The following GOLGA8O variants were observed in gnomAD, a reference collection of about 807,000 sequenced individuals.
GOLGA8O encodes golgin subfamily A member 8O.
Under a neutral mutation model 29.7 loss-of-function variants are expected in GOLGA8O, and 4 were observed. That is an observed-to-expected ratio of 0.13 (90% confidence interval 0.07 to 0.31). The LOEUF is 0.31. Ranked by LOEUF, GOLGA8O falls within the 10% of genes least tolerant of loss-of-function variation. The pLI is 1.00. For missense variants in GOLGA8O, 32 were observed against 216.5 expected (o/e 0.15, Z 5.35); for synonymous variants, 6 against 78.0 (o/e 0.08, Z 4.87).
intron 8 of GOLGA8O, among the ~76,000 whole-genome samples, chr15:32,450,511 C>T (rs201705471): frequency 1.1e-4 from 13 of 117,068 alleles, no homozygotes; most frequent in South Asian, 3.4e-4. Context: ...TATATTATCA[C>T]AGTATGTACA....
rs778018544 is a variant in GOLGA8O at position 32,445,746 on chromosome 15, C to T, written c.1470-31G>A. 14 of 850,510 alleles carry T rather than the reference C, an allele frequency of 1.6e-5. 5 individuals carry two copies. The South Asian group carries it at 2.4e-4, about 14-fold the overall frequency. The allele number at this position is 850,510 out of a possible 1,614,324, so 52.7% of individuals were successfully genotyped here. A position where few individuals can be genotyped will look rare whatever the true frequency, so the allele number is the denominator to read the frequency against. On this transcript the variant is annotated intron_variant, in intron 16 of 18. Transcript: ENST00000509311. Reference sequence around the variant, plus strand: ...GGAGGACAGGGCTCAGATTCTGGGGCCCCTCTGATGGCTCTGTAGCTCCCC... The same window carrying T: ...GGAGGACAGGGCTCAGATTCTGGGGTCCCTCTGATGGCTCTGTAGCTCCCC...
At position 32,453,326 on chromosome 15, in the gene GOLGA8O, G is replaced by A. The variant is rs1179668573; in HGVS notation, c.168+377C>T. On this transcript the variant is annotated intron_variant, in intron 2 of 18. Coordinates refer to ENST00000509311, the MANE Select transcript of GOLGA8O (RefSeq NM_001277308.1). ...TTTTTTTTTTTTGAGACAGAGTCTT[G>A]CTCTTTCACCAGGCTGGAGTGCGGT... 8.3e-4 allele frequency among the ~76,000 whole-genome samples: 63 copies of A among 75,880 alleles called. 9 individuals are homozygous for A. The East Asian group carries it at 0.02, about 25-fold the overall frequency. 49.8% of individuals were successfully genotyped at this position (75,880 alleles called of 152,430 possible). A position where few individuals can be genotyped will look rare whatever the true frequency, so the allele number is the denominator to read the frequency against.
At chr15:32,450,545 A>ACC (rs2055108947) in intron 8 of GOLGA8O, among the ~76,000 whole-genome samples, 1 of 143,284 alleles carries the variant, frequency 7.0e-6, no homozygotes, top group Admixed American at 6.9e-5. Context: ...ACACACACAC[A>ACC]CACACATGCA....
chr15:32,460,713 A>G, the GOLGA8O span, among the ~76,000 whole-genome samples: 1 of 99,892 alleles, frequency 1.0e-5, no homozygotes, highest in East Asian at 2.6e-4. Context: ...ACACACGCAC[A>G]CACACACACA....
In GOLGA8O at chr15:32,451,356, CAG is replaced by C. The variant is rs2055128817; in HGVS notation, c.349-20_349-19del. The C allele has an allele frequency of 1.5e-6, 1 of 671,692 alleles. No individual in the cohort carries two copies. Among genetic ancestry groups the C allele is most frequent in the South Asian group, 1.6e-5 (1 of 62,186 alleles). 41.6% of individuals were successfully genotyped at this position (671,692 alleles called of 1,614,324 possible). A position where few individuals can be genotyped will look rare whatever the true frequency, so the allele number is the denominator to read the frequency against. On this transcript the variant is annotated intron_variant, in intron 5 of 18. Transcript: ENST00000509311. Reference sequence around the variant, plus strand: ...TTCTTTTCCTGTAGGAAGAGGAAGACAGAGCTCTTACCAGGGGGAGGCAGAGA... The same window carrying C: ...TTCTTTTCCTGTAGGAAGAGGAAGACAGCTCTTACCAGGGGGAGGCAGAGA...
chr15:32,450,726 C>T (rs1452178464), intron 8 of GOLGA8O, among the ~76,000 whole-genome samples, 187 bp downstream of exon 8: 3 of 151,770 alleles, frequency 2.0e-5, no homozygotes, highest in African/African-American at 4.8e-5. Flanking sequence ...CCCCACAGTA[C>T]CCCCCAACTC....
chr15:32,450,628 A>T (rs1455154320), intron 8 of GOLGA8O, among the ~76,000 whole-genome samples: 1 of 151,934 alleles, frequency 6.6e-6, no homozygotes, highest in Non-Finnish European at 1.5e-5. Context: ...ACAAGTACCC[A>T]ATACCCCACC....
chr15:32,460,744 AT>A, the GOLGA8O span, among the ~76,000 whole-genome samples: 1 of 97,804 alleles, frequency 1.0e-5, no homozygotes, highest in Non-Finnish European at 2.1e-5. Context: ...CCTGCTAATC[AT>A]TTTACGATGA....
rs2055069164 is a variant in GOLGA8O, at chr15:32,445,802, G to A, written c.1465C>T (p.His489Tyr). Residue 489 changes from histidine to tyrosine, a missense_variant, in exon 16 of 19, where the codon CAT becomes TAT. By Grantham distance (83) the His-to-Tyr change is moderately conservative (BLOSUM62 2). Transcript: ENST00000509311. Reference protein sequence around the residue: ...RFIQYWQERCHQKIHHLLSEP... With the variant: ...RFIQYWQERCYQKIHHLLSEP... The stretch of plus-strand genomic sequence containing the variant: ...GTGCCCTGGCCTCCCACTCACTGAT[G>A]GCATCTCTCTTGCCAGTATTGAATG... The A allele has an allele frequency of 2.2e-5, 18 of 819,290 alleles. 6 individuals carry two copies. In the East Asian group the frequency reaches 6.1e-4, roughly 28 times the overall value. The allele number at this position is 819,290 out of a possible 1,614,324, so 50.8% of individuals were successfully genotyped here.
Position 32,451,494 on chromosome 15 carries a change from G to C in GOLGA8O, c.348+107C>G, listed in dbSNP as rs549236421. 2.1e-3 allele frequency: 3,399 copies of C among 1,582,608 alleles called. 132 individuals carry two copies. Among genetic ancestry groups the C allele is most frequent in the African/African-American group, 0.011 (752 of 70,436 alleles). On this transcript the variant is annotated intron_variant, in intron 5 of 18. Coordinates refer to ENST00000509311, the MANE Select transcript of GOLGA8O (RefSeq NM_001277308.1). ...GGGGATGGGGTGGAATCTGAGGGGTGAGCCTTCTTCCCCAAGCTGGGAGTG... is the reference window on the plus strand; with the variant it reads ...GGGGATGGGGTGGAATCTGAGGGGTCAGCCTTCTTCCCCAAGCTGGGAGTG...
At chr15:32,458,981 GAACA>G (rs2055209887), upstream of GOLGA8O, among the ~76,000 whole-genome samples, 1 of 75,438 alleles carries the variant, frequency 1.3e-5, no homozygotes, top group African/African-American at 6.3e-5. Flanking sequence ...AAATATGAAT[GAACA>G]AATAAAGGAA....
At chr15:32,451,534 G>C in intron 5 of GOLGA8O, 67 bp downstream of exon 5, 1 of 1,596,990 alleles carries the variant, frequency 6.3e-7, no homozygotes, top group African/African-American at 1.4e-5. Context: ...AGACGAGACT[G>C]GGGCCTGTAT....
chr15:32,445,815 C>A lies in GOLGA8O; in HGVS notation c.1452G>T (p.Trp484Cys). Residue 484 changes from tryptophan (W) to cysteine (C), a missense_variant, in exon 16 of 19, where the codon TGG becomes TGT. Transcript: ENST00000509311. ...KKQELRFIQY[W>C]QERCHQKIHH... ...CCACTCACTGATGGCATCTCTCTTGCCAGTATTGAATGAAGCGAAGTTCTT... is the reference window on the plus strand; with the variant it reads ...CCACTCACTGATGGCATCTCTCTTGACAGTATTGAATGAAGCGAAGTTCTT... 5.2e-6 allele frequency: 4 copies of A among 773,036 alleles called. 1 individual carries two copies. The highest frequency in any genetic ancestry group is 4.9e-5 in the Admixed American group (2 of 40,590). 47.9% of individuals were successfully genotyped at this position (773,036 alleles called of 1,614,324 possible).
chr15:32,445,570 TCA>T, intron 17 of GOLGA8O, 46 bp downstream of exon 17: 1 of 11,430 alleles, frequency 8.7e-5, no homozygotes, highest in Non-Finnish European at 1.6e-4. Flanking sequence ...GCGCCCACCC[TCA>T]CACCCACCCC....
chr15:32,451,476 G>C, intron 5 of GOLGA8O, 125 bp downstream of exon 5: 6 of 1,506,030 alleles, frequency 4.0e-6, no homozygotes, highest in East Asian at 2.3e-5. Context: ...TGTGGGGATG[G>C]GGTGGAATCT....
chr15:32,450,729 C>A (rs1349493704), intron 8 of GOLGA8O, among the ~76,000 whole-genome samples, 184 bp downstream of exon 8: 1 of 152,022 alleles, frequency 6.6e-6, no homozygotes, highest in African/African-American at 2.4e-5. Context: ...CACAGTACCC[C>A]CCAACTCACC....
chr15:32,455,220 G>A (rs528171154), intron 1 of GOLGA8O, among the ~76,000 whole-genome samples: 1,902 of 93,204 alleles, frequency 0.02, 715 homozygotes, highest in African/African-American at 0.086. Context: ...AGCTTGGGGC[G>A]GCAGGAGATG....
At chr15:32,453,214 G>C (rs1038975781) in intron 2 of GOLGA8O, among the ~76,000 whole-genome samples, 1 of 45,878 alleles carries the variant, frequency 2.2e-5, no homozygotes, top group Non-Finnish European at 4.3e-5. Flanking sequence ...TGTGAAAAGA[G>C]AGGCCCAATG....
At chr15:32,451,488 AG>A (rs2055131453) in intron 5 of GOLGA8O, 112 bp downstream of exon 5, 1 of 1,570,210 alleles carries the variant, frequency 6.4e-7, no homozygotes, top group Admixed American at 1.7e-5. Flanking sequence ...GTGGAATCTG[AG>A]GGGTGAGCCT....
Sources: gnomAD v4.1 joint callset for allele counts (sites outside exome capture counted in the v4.1 genomes callset) on GRCh38, gnomAD v4.1.1 for gene constraint, MANE v1.5 for transcripts, NCBI Gene and HGNC (gene_info 2026-07-23, HGNC 2026-07-21) for gene names.